Variants in PUDP observed in about 807,000 individuals in gnomAD.
PUDP encodes the protein pseudouridine 5'-phosphatase.
PUDP carries 8 observed loss-of-function variants against 9.4 expected under a neutral mutation model. That is an observed-to-expected ratio of 0.85 (90% confidence interval 0.50 to 1.53). The LOEUF is 1.53. PUDP is among the 40% of genes most tolerant of loss of function. PUDP has a pLI of 0.00. For missense variants in PUDP, 188 were observed against 189.7 expected (o/e 0.99, Z 0.05); for synonymous variants, 99 against 80.7 (o/e 1.23, Z -1.22).
chrX:6,756,277 A>G (rs889664408), intron 3 of PUDP, among the ~76,000 whole-genome samples: 5 of 112,318 alleles, frequency 4.5e-5, no homozygotes, highest in African/African-American at 1.3e-4. Flanking sequence ...AAAAAAGTAT[A>G]TGGATGTTCA....
intron 3 of PUDP, among the ~76,000 whole-genome samples, chrX:6,884,593 C>G (rs189659756): frequency 1.2e-4 from 13 of 111,685 alleles, no homozygotes; most frequent in Non-Finnish European, 2.4e-4. Context: ...GAGAATGTTA[C>G]AATGGACACA....
chrX:6,990,708 T>G (rs1007071753), intron 1 of PUDP, among the ~76,000 whole-genome samples: 18 of 111,866 alleles, frequency 1.6e-4, no homozygotes, highest in Non-Finnish European at 3.4e-4. Context: ...TGCATCTCGC[T>G]GGAAATGCCA....
intron 1 of PUDP, among the ~76,000 whole-genome samples, chrX:6,715,565 A>G (rs1924590599): frequency 8.9e-6 from 1 of 112,186 alleles, no homozygotes; most frequent in Non-Finnish European, 1.9e-5. Flanking sequence ...CAGTGAAACT[A>G]TGTAATTGCA....
intron 3 of PUDP, among the ~76,000 whole-genome samples, chrX:6,880,777 A>G (rs776292207): frequency 8.9e-6 from 1 of 112,007 alleles, no homozygotes; most frequent in Non-Finnish European, 1.9e-5. Flanking sequence ...TCTTACTGTC[A>G]GAAGACTAGA....
At chrX:6,766,013 A>G (rs1925280982) in intron 3 of PUDP, among the ~76,000 whole-genome samples, 2 of 111,781 alleles carry the variant, frequency 1.8e-5, no homozygotes, top group African/African-American at 6.5e-5. Context: ...CCTTACCTCT[A>G]GGGAAAAATA....
At chrX:6,720,589 AC>A (rs1348853541) in intron 1 of PUDP, among the ~76,000 whole-genome samples, 4 of 107,213 alleles carry the variant, frequency 3.7e-5, no homozygotes, top group African/African-American at 1.4e-4. Flanking sequence ...CAGCATGGTG[AC>A]TATAGTTACC....
chrX:6,914,820 C>A (rs1288106289), intron 3 of PUDP, among the ~76,000 whole-genome samples: 2 of 112,590 alleles, frequency 1.8e-5, no homozygotes, highest in Non-Finnish European at 3.7e-5. Flanking sequence ...GAGCCCAATT[C>A]TTTACTTTGT....
intron 3 of PUDP, among the ~76,000 whole-genome samples, chrX:6,745,680 G>C (rs1362095412): frequency 1.8e-5 from 2 of 111,432 alleles, no homozygotes; most frequent in African/African-American, 3.3e-5. Context: ...GTCTTGCTCT[G>C]TTACCCAGGC....
chrX:6,798,221 G>T (rs1925874799), intron 3 of PUDP, among the ~76,000 whole-genome samples: 1 of 111,909 alleles, frequency 8.9e-6, no homozygotes. Context: ...ATCTTACATG[G>T]TGACAAGAAA....
chrX:7,089,811 AAC>A (rs765057164), intron 2 of PUDP, among the ~76,000 whole-genome samples: 1 of 111,807 alleles, frequency 8.9e-6, no homozygotes, highest in African/African-American at 3.3e-5. Context: ...TAAAGCTGAA[AAC>A]ACAGAGAAAG....
Position 6,934,395 on chromosome X carries a change from G to A in PUDP, c.*247+42738C>T, listed in dbSNP as rs1167567971. Among the ~76,000 whole-genome samples, 12 of 108,516 alleles carry A rather than the reference G, an allele frequency of 1.1e-4. No individual in the cohort carries two copies. In the South Asian group the frequency reaches 2.9e-3, roughly 26 times the overall value. 94.2% of individuals were successfully genotyped at this position (108,516 alleles called of 115,157 possible). The stretch of plus-strand genomic sequence containing the variant: ...TCCAGCCAAACTAAGCTTCATAAGC[G>A]AAGGAGAAATAAAATACTTTACAGA... On this transcript the variant is annotated intron_variant and NMD_transcript_variant, in intron 3 of 3. Transcript: ENST00000655425.
chrX:6,979,322 A>AAGGTGAGGTGAAG (rs1929000354), intron 1 of PUDP, among the ~76,000 whole-genome samples: 1 of 111,548 alleles, frequency 9.0e-6, no homozygotes, highest in South Asian at 3.8e-4. Context: ...CACCTCCTCC[A>AAGGTGAGGTGAAG]CACACATCTG....
chrX:6,902,067 G>A (rs777124311), intron 3 of PUDP, among the ~76,000 whole-genome samples: 10 of 110,170 alleles, frequency 9.1e-5, no homozygotes, highest in Admixed American at 5.8e-4. Flanking sequence ...TAAAGATGGC[G>A]GGGGGCGGGG....
At chrX:7,134,767 C>T (rs1423997492) in intron 1 of PUDP, among the ~76,000 whole-genome samples, 3 of 111,727 alleles carry the variant, frequency 2.7e-5, no homozygotes, top group Non-Finnish European at 3.8e-5. Flanking sequence ...ATAAACGAGG[C>T]AAATAAGAGA....
Position 6,919,598 on chromosome X carries a change from G to T in PUDP, c.*247+57535C>A, listed in dbSNP as rs768085076. ...AATCCATAAAAAAGCACAAAGACCC[G>T]TAGGTTTCTGATCCAACCCTAACTT... On this transcript the variant is annotated intron_variant and NMD_transcript_variant, in intron 3 of 3. Coordinates refer to the PUDP transcript ENST00000655425. 1.7e-3 allele frequency among the ~76,000 whole-genome samples: 183 copies of T among 110,137 alleles called. 2 individuals carry two copies. The highest frequency in any genetic ancestry group is 5.5e-3 in the African/African-American group (168 of 30,319).
At chrX:6,837,769 C>T (rs1926605210) in intron 3 of PUDP, among the ~76,000 whole-genome samples, 1 of 111,327 alleles carries the variant, frequency 9.0e-6, no homozygotes, top group African/African-American at 3.3e-5. Flanking sequence ...TTGGAAAATG[C>T]CCCAGCCCTT....
chrX:6,714,991 A>ATG (rs1341335156), intron 1 of PUDP, among the ~76,000 whole-genome samples: 5 of 94,669 alleles, frequency 5.3e-5, no homozygotes, highest in African/African-American at 2.6e-4. Context: ...GTATATATAT[A>ATG]TATGTGTGTG....
chrX:6,781,165 A>G (rs1369463632), intron 3 of PUDP, among the ~76,000 whole-genome samples: 2 of 111,862 alleles, frequency 1.8e-5, no homozygotes, highest in East Asian at 5.6e-4. Context: ...ACACAACAAC[A>G]ATAACAACAG....
At chrX:7,146,835 GTT>G (rs72051800) in intron 1 of PUDP, among the ~76,000 whole-genome samples, 4,774 of 82,918 alleles carry the variant, frequency 0.058, 322 homozygotes, top group African/African-American at 0.18. Context: ...GAGCTGCAGG[GTT>G]TTTTTTTTTT....
Sources: allele counts gnomAD v4.1 joint callset (sites outside exome capture counted in the v4.1 genomes callset), GRCh38; gene constraint gnomAD v4.1.1; transcripts MANE v1.5; gene names NCBI Gene and HGNC (gene_info 2026-07-23, HGNC 2026-07-21).